Variants in RANBP2 observed in about 807,000 individuals in gnomAD.
RANBP2 encodes RAN binding protein 2, also known as E3 SUMO-protein ligase RanBP2.
A neutral mutation model predicts 303.6 loss-of-function variants in RANBP2; 57 were observed. The observed-to-expected ratio is 0.19, with a 90% CI of 0.15 to 0.23. RANBP2 has a LOEUF of 0.23. RANBP2 is among the 10% of genes least tolerant of loss of function. The pLI, the probability that RANBP2 is intolerant of heterozygous loss-of-function variation, is 1.00. For synonymous variants in RANBP2, 1,167 were observed against 1,301.5 expected (o/e 0.90, Z 2.23); for missense variants, 3,138 against 3,780.8 (o/e 0.83, Z 4.46).
chr2:109,292,406 A>G, the RANBP2 span, among the ~76,000 whole-genome samples: 7 of 152,180 alleles, frequency 4.6e-5, no homozygotes, highest in African/African-American at 1.7e-4. Flanking sequence ...ACTTAATGCT[A>G]TGTTTAATTG....
chr2:108,845,118 CA>C, the RANBP2 span, among the ~76,000 whole-genome samples: 7 of 151,720 alleles, frequency 4.6e-5, no homozygotes, highest in East Asian at 1.9e-4. Context: ...ATTTTAAAAA[CA>C]AAAAAAGTTT....
At chr2:109,490,012 A>C in the RANBP2 span, among the ~76,000 whole-genome samples, 1 of 152,170 alleles carries the variant, frequency 6.6e-6, no homozygotes, top group African/African-American at 2.4e-5. Context: ...TGCTGAGATT[A>C]CAGGCATGAG....
chr2:109,636,332 A>G, the RANBP2 span, among the ~76,000 whole-genome samples: 4 of 152,208 alleles, frequency 2.6e-5, no homozygotes, highest in African/African-American at 9.7e-5. Flanking sequence ...ATTAAAAATA[A>G]TATGCCTTCT....
chr2:109,006,638 T>A, the RANBP2 span, among the ~76,000 whole-genome samples: 3 of 152,170 alleles, frequency 2.0e-5, no homozygotes, highest in Non-Finnish European at 4.4e-5. Flanking sequence ...TAGCTGTGTG[T>A]ACCCTGGGAA....
At chr2:109,515,903 G>A in the RANBP2 span, among the ~76,000 whole-genome samples, 59 of 152,220 alleles carry the variant, frequency 3.9e-4, no homozygotes, top group Admixed American at 2.3e-3. Context: ...TGAGGGATCC[G>A]CCCCACGACC....
the RANBP2 span, chr2:108,896,767 G>T: frequency 1.3e-6 from 1 of 797,784 alleles, no homozygotes; most frequent in Non-Finnish European, 2.0e-6. Flanking sequence ...TATTTCGTCT[G>T]GCTCCTTGAA....
At chr2:109,091,368 C>A in the RANBP2 span, among the ~76,000 whole-genome samples, 1 of 152,056 alleles carries the variant, frequency 6.6e-6, no homozygotes, top group Non-Finnish European at 1.5e-5. Flanking sequence ...CTGTTTTAGT[C>A]CTGCCCCTGA....
At chr2:109,644,824 C>T in the RANBP2 span, among the ~76,000 whole-genome samples, 1 of 152,168 alleles carries the variant, frequency 6.6e-6, no homozygotes, top group Non-Finnish European at 1.5e-5. Context: ...CCCCCGGCTG[C>T]TTGTCAATAT....
the RANBP2 span, chr2:109,128,171 A>C: frequency 6.6e-6 from 1 of 152,260 alleles, no homozygotes; most frequent in Non-Finnish European, 1.5e-5. Context: ...AGCGCACGGC[A>C]GGGAATCTTC....
At chr2:109,261,477 C>G in the RANBP2 span, among the ~76,000 whole-genome samples, 6 of 152,158 alleles carry the variant, frequency 3.9e-5, no homozygotes, top group Non-Finnish European at 8.8e-5. Flanking sequence ...TTGGAGGTGT[C>G]AGACGTGTGT....
the RANBP2 span, among the ~76,000 whole-genome samples, chr2:109,324,281 GT>G: frequency 1.3e-5 from 2 of 152,172 alleles, no homozygotes; most frequent in South Asian, 4.1e-4. Context: ...TGATGTACAA[GT>G]TTTTTGTGGA....
chr2:109,299,106 A>C, the RANBP2 span, among the ~76,000 whole-genome samples: 1 of 152,084 alleles, frequency 6.6e-6, no homozygotes. Flanking sequence ...CCCCCAGGGC[A>C]TTTGCAGATG....
the RANBP2 span, among the ~76,000 whole-genome samples, chr2:109,064,478 C>CAAA: frequency 1.2e-5 from 1 of 83,726 alleles, no homozygotes; most frequent in Non-Finnish European, 2.6e-5. Flanking sequence ...AAAACAAAAA[C>CAAA]AAACTGGTAA....
chr2:109,513,904 C>T, the RANBP2 span, among the ~76,000 whole-genome samples: 9 of 152,168 alleles, frequency 5.9e-5, no homozygotes, highest in African/African-American at 1.2e-4. Flanking sequence ...GGGGGACCAC[C>T]GTGATGGTGG....
the RANBP2 span, among the ~76,000 whole-genome samples, chr2:109,710,002 G>T: frequency 6.6e-6 from 1 of 151,534 alleles, no homozygotes; most frequent in Non-Finnish European, 1.5e-5. Flanking sequence ...CAGGAGAATT[G>T]CTTGAACCTG....
chr2:109,055,082 G>A, the RANBP2 span, among the ~76,000 whole-genome samples: 1,832 of 152,142 alleles, frequency 0.012, 40 homozygotes, highest in African/African-American at 0.041. Context: ...CATTCTTGTA[G>A]TCTCCTCTGT....
chr2:108,962,700 A>AAAAAAGAG, the RANBP2 span, among the ~76,000 whole-genome samples: 1 of 128,858 alleles, frequency 7.8e-6, no homozygotes, highest in Non-Finnish European at 1.6e-5. Context: ...AAAAAAAAAA[A>AAAAAAGAG]AGAGAGAAAG....
At chr2:109,397,027 G>A in the RANBP2 span, among the ~76,000 whole-genome samples, 266 of 152,234 alleles carry the variant, frequency 1.7e-3, 1 homozygote, top group African/African-American at 5.6e-3. Flanking sequence ...TGCAGTTTTC[G>A]GAAAGCCCTT....
At chr2:109,548,085 A>C in the RANBP2 span, among the ~76,000 whole-genome samples, 2 of 152,162 alleles carry the variant, frequency 1.3e-5, no homozygotes, top group Non-Finnish European at 2.9e-5. Context: ...GAGAGGAAAT[A>C]CAGATGAAAG....
Sources: gnomAD v4.1 joint callset for allele counts (sites outside exome capture counted in the v4.1 genomes callset) on GRCh38, gnomAD v4.1.1 for gene constraint, MANE v1.5 for transcripts, NCBI Gene and HGNC (gene_info 2026-07-23, HGNC 2026-07-21) for gene names.